DENND4C: variants seen among roughly 807,000 people sequenced by gnomAD.
DENND4C encodes the protein DENN domain containing 4C.
Under a neutral mutation model 203.0 loss-of-function variants are expected in DENND4C, and 108 were observed. The ratio of observed to expected loss-of-function variants is 0.53; its 90% CI spans 0.46 to 0.62. The LOEUF (loss-of-function observed/expected upper bound fraction) is 0.62, where lower values mean the gene tolerates loss of function less well. Ranked by LOEUF, DENND4C falls within the 20% of genes least tolerant of loss-of-function variation. The probability of loss-of-function intolerance (pLI) is 0.00; values close to 1 mark genes in which losing one functional copy is unlikely to be tolerated. For synonymous variants in DENND4C, 871 were observed against 792.4 expected (o/e 1.10, Z -1.67); for missense variants, 2,481 against 2,301.2 (o/e 1.08, Z -1.60).
chr9:19,322,807 C>CA (rs1337561636), intron 12 of DENND4C, among the ~76,000 whole-genome samples: 2 of 129,688 alleles, frequency 1.5e-5, no homozygotes, highest in Admixed American at 7.4e-5. Flanking sequence ...GCTCCCTGCA[C>CA]AAAAAACCCA....
chr9:19,316,523 G>A lies in DENND4C; in HGVS notation c.1588+6G>A. 6.2e-7 allele frequency: 1 copy of A among 1,609,978 alleles called. No individual in the cohort carries two copies. The highest frequency in any genetic ancestry group is 8.5e-7 in the Non-Finnish European group (1 of 1,177,790). On this transcript the variant is annotated splice_donor_region_variant and intron_variant, in intron 11 of 32. Transcript: ENST00000434457. ...GTATCCCCAGCTGTCTTCAGGTAATGTGAGGGAAAAGGAATATTATTAATG... is the reference window on the plus strand; with the variant it reads ...GTATCCCCAGCTGTCTTCAGGTAATATGAGGGAAAAGGAATATTATTAATG...
At position 19,346,630 on chromosome 9, in the gene DENND4C, C is replaced by G. The variant is rs1395408895; in HGVS notation, c.3861C>G (p.Ser1287Arg). The change falls in exon 23 of 33, where the codon AGC (serine) becomes AGG (arginine). Residue 1287 changes from serine to arginine, a missense_variant. Physicochemically the swap from Ser to Arg is moderately radical, Grantham distance 110. Around this residue, in one of 3 missense-constraint regions of DENND4C, gnomAD observed 2,289 missense variants for 2,113.3 expected, o/e 1.08. Transcript: ENST00000434457. ...GTAATCTGGCTGATGAAATAGAAAG[C>G]TATATGAACCTAAAAAGTCCCCTAG... ...IARNLADEIESYMNLKSPLGS... is the reference protein window; with the variant it reads ...IARNLADEIERYMNLKSPLGS... 2.5e-6 allele frequency: 4 copies of G among 1,613,972 alleles called. No homozygotes were observed. The highest frequency in any genetic ancestry group is 2.7e-5 in the African/African-American group (2 of 74,908).
At chr9:19,292,332 A>T (rs529981834) in intron 5 of DENND4C, 2 of 151,908 alleles carry the variant, frequency 1.3e-5, no homozygotes, top group African/African-American at 2.4e-5. Context: ...TGCCTGGCCT[A>T]TCCCGCCTCT....
intron 31 of DENND4C, 88 bp downstream of exon 31, chr9:19,370,075 T>C: frequency 6.8e-7 from 1 of 1,475,122 alleles, no homozygotes; most frequent in Non-Finnish European, 9.4e-7. Flanking sequence ...TCTCTAGTTG[T>C]CGAAGAAACA....
chr9:19,310,742 G>A (rs1840578665), intron 10 of DENND4C, among the ~76,000 whole-genome samples: 1 of 152,070 alleles, frequency 6.6e-6, no homozygotes, highest in African/African-American at 2.4e-5. Context: ...GCACATGTGT[G>A]AGATGTGCCT....
At chr9:19,321,607 G>A (rs987186306) in intron 12 of DENND4C, among the ~76,000 whole-genome samples, 1 of 152,030 alleles carries the variant, frequency 6.6e-6, no homozygotes, top group Admixed American at 6.5e-5. Flanking sequence ...CATTTTGGGA[G>A]GCTGAGGCAG....
At chr9:19,324,193 C>G (rs1843341410) in intron 12 of DENND4C, among the ~76,000 whole-genome samples, 169 bp from the exon 13 acceptor site, 1 of 151,498 alleles carries the variant, frequency 6.6e-6, no homozygotes, top group Non-Finnish European at 1.5e-5. Flanking sequence ...CTTTTGGTCC[C>G]AAGCATTTCA....
intron 4 of DENND4C, 64 bp downstream of exon 4, chr9:19,288,729 A>G: frequency 1.1e-6 from 1 of 892,942 alleles, no homozygotes; most frequent in Non-Finnish European, 1.5e-6. Flanking sequence ...ACATTTGGCT[A>G]AAAGAGATAA....
At chr9:19,261,165 C>T (rs1037290467) in intron 1 of DENND4C, among the ~76,000 whole-genome samples, 7 of 151,904 alleles carry the variant, frequency 4.6e-5, no homozygotes, top group Non-Finnish European at 1.0e-4. Flanking sequence ...AAAATAAGTT[C>T]GTTGTAGATG....
chr9:19,326,013 A>G (rs746765082), intron 14 of DENND4C, 39 bp downstream of exon 14: 1 of 1,609,108 alleles, frequency 6.2e-7, no homozygotes, highest in Non-Finnish European at 8.5e-7. Context: ...AAATTTCAGA[A>G]TTAGATCTTG....
chr9:19,296,307 GT>G, intron 6 of DENND4C, 61 bp downstream of exon 6: 2 of 1,082,474 alleles, frequency 1.8e-6, no homozygotes, highest in East Asian at 5.5e-5. Flanking sequence ...ATATACATTT[GT>G]TTGTGTAATT....
intron 4 of DENND4C, among the ~76,000 whole-genome samples, chr9:19,289,719 C>CT (rs1835893698): frequency 6.6e-6 from 1 of 150,798 alleles, no homozygotes; most frequent in African/African-American, 2.4e-5. Context: ...GTCCCAGCTA[C>CT]TTGGGAGGCT....
At chr9:19,233,767 A>G (rs1218407293) in intron 1 of DENND4C, among the ~76,000 whole-genome samples, 1 of 151,830 alleles carries the variant, frequency 6.6e-6, no homozygotes, top group African/African-American at 2.4e-5. Flanking sequence ...TAATTTTTGA[A>G]TTTTTAGTAG....
chr9:19,262,762 T>C (rs1036771465), intron 1 of DENND4C, among the ~76,000 whole-genome samples: 7 of 151,694 alleles, frequency 4.6e-5, no homozygotes, highest in African/African-American at 1.5e-4. Flanking sequence ...AGAGATGGGG[T>C]TTCACCATGT....
chr9:19,257,661 A>G (rs1360000433), intron 1 of DENND4C, among the ~76,000 whole-genome samples: 1 of 152,244 alleles, frequency 6.6e-6, no homozygotes, highest in Non-Finnish European at 1.5e-5. Flanking sequence ...GATCAGACAT[A>G]AAAGAGAAGA....
In DENND4C at chr9:19,317,610, C is replaced by G. The variant is rs76786806; in HGVS notation, c.1807+771C>G. 1.4e-3 allele frequency among the ~76,000 whole-genome samples: 208 copies of G among 152,086 alleles called. 2 individuals are homozygous for G. Among genetic ancestry groups the G allele is most frequent in the African/African-American group, 4.7e-3 (194 of 41,488 alleles). ...GTATTTTCCCAATAATCCTTTTGTC[C>G]TTTATCTTTTCTGCTTTAGTGTAAC... On this transcript the variant is annotated intron_variant, in intron 12 of 32. Transcript: ENST00000434457.
At chr9:19,325,624 G>A (rs955713875) in intron 13 of DENND4C, among the ~76,000 whole-genome samples, 1 of 152,076 alleles carries the variant, frequency 6.6e-6, no homozygotes, top group South Asian at 2.1e-4. Flanking sequence ...GAAGTTTAAT[G>A]TCAATCACTA....
intron 3 of DENND4C, among the ~76,000 whole-genome samples, chr9:19,287,815 C>G (rs1253424043): frequency 9.9e-5 from 15 of 152,204 alleles, no homozygotes; most frequent in Non-Finnish European, 2.2e-4. Context: ...TCACTGCAAC[C>G]TCCACCTCCC....
intron 12 of DENND4C, among the ~76,000 whole-genome samples, chr9:19,320,494 C>T (rs1161750512): frequency 3.9e-5 from 6 of 152,122 alleles, no homozygotes; most frequent in African/African-American, 1.2e-4. Context: ...CCACTGCGCT[C>T]GGCCCACATC....
Sources: gnomAD v4.1 joint callset for allele counts (sites outside exome capture counted in the v4.1 genomes callset) on GRCh38, gnomAD v4.1.1 for gene constraint, gnomAD v4.1.1 regional missense constraint, MANE v1.5 for transcripts, NCBI Gene and HGNC (gene_info 2026-07-23, HGNC 2026-07-21) for gene names.